The following KHDRBS3 variants were observed in gnomAD, a reference collection of about 807,000 sequenced individuals.
KHDRBS3 encodes the protein KH domain-containing, RNA-binding, signal transduction-associated protein 3.
Under a neutral mutation model 45.6 loss-of-function variants are expected in KHDRBS3, and 23 were observed. The observed-to-expected ratio is 0.50, with a 90% confidence interval of 0.36 to 0.72. The LOEUF (loss-of-function observed/expected upper bound fraction) is 0.72, where lower values mean the gene tolerates loss of function less well. Among genes scored for constraint, KHDRBS3 ranks in the 30% least tolerant of loss-of-function variants. The pLI is 0.00. For synonymous variants in KHDRBS3, 162 were observed against 156.5 expected, an observed-to-expected ratio of 1.04 and a Z score of -0.26; for missense variants, 352 against 424.8, an observed-to-expected ratio of 0.83 and a Z score of 1.51.
chr8:135,509,871 C>T (rs1344153142), intron 1 of KHDRBS3, among the ~76,000 whole-genome samples: 1 of 151,564 alleles, frequency 6.6e-6, no homozygotes, highest in East Asian at 1.9e-4. Flanking sequence ...ATTTGGTTCT[C>T]TGGAATCATT....
At chr8:135,526,088 C>T (rs1321967462) in intron 2 of KHDRBS3, among the ~76,000 whole-genome samples, 1 of 152,016 alleles carries the variant, frequency 6.6e-6, no homozygotes, top group Non-Finnish European at 1.5e-5. Flanking sequence ...AGCCTAGGAA[C>T]AATAGGCTAT....
chr8:135,477,058 T>A (rs1385502523), intron 1 of KHDRBS3, among the ~76,000 whole-genome samples: 1 of 152,236 alleles, frequency 6.6e-6, no homozygotes, highest in African/African-American at 2.4e-5. Flanking sequence ...ATGACAATGA[T>A]AACTACTATT....
chr8:135,636,214 A>G (rs1057041023), intron 7 of KHDRBS3, among the ~76,000 whole-genome samples: 2 of 152,122 alleles, frequency 1.3e-5, no homozygotes, highest in African/African-American at 2.4e-5. Flanking sequence ...TTTCCTTGAG[A>G]TCACCCTTGT....
chr8:135,493,512 T>A lies in KHDRBS3; in HGVS notation c.89-27725T>A, dbSNP rs188333997. Among the ~76,000 whole-genome samples, 14 of 152,258 alleles carry A rather than the reference T, an allele frequency of 9.2e-5. No individual in the cohort carries two copies. In the East Asian group the frequency reaches 1.9e-3, roughly 21 times the overall value. On this transcript the variant is annotated intron_variant, in intron 1 of 8. Transcript: ENST00000355849. ...GCAAGTTTTTATTATAGTAGTTGTT[T>A]AATATTTTAAAATACTTTTCTGCAT...
chr8:135,593,458 T>A (rs571541034), intron 6 of KHDRBS3: 1 of 152,306 alleles, frequency 6.6e-6, no homozygotes, highest in East Asian at 1.9e-4. Context: ...AGGTAGGAGC[T>A]ATGTCTTTTG....
chr8:135,490,068 A>G (rs1289012192), intron 1 of KHDRBS3, among the ~76,000 whole-genome samples: 2 of 152,210 alleles, frequency 1.3e-5, no homozygotes, highest in Non-Finnish European at 2.9e-5. Context: ...GCCACATGCC[A>G]TACAGGTTTG....
chr8:135,656,363 T>G (rs1410290985), exon 5 of KHDRBS3: 2 of 152,232 alleles, frequency 1.3e-5, no homozygotes, highest in Admixed American at 1.3e-4. Context: ...TGTGACATGT[T>G]TTTATTATAT....
intron 1 of KHDRBS3, among the ~76,000 whole-genome samples, chr8:135,518,413 A>G (rs1824734488): frequency 6.6e-6 from 1 of 152,036 alleles, no homozygotes; most frequent in Non-Finnish European, 1.5e-5. Flanking sequence ...TGACCTCGTG[A>G]TCCACCCGCC....
intron 1 of KHDRBS3, among the ~76,000 whole-genome samples, chr8:135,500,099 A>G (rs903094031): frequency 6.6e-6 from 1 of 152,172 alleles, no homozygotes; most frequent in African/African-American, 2.4e-5. Context: ...TGAAGAAAGT[A>G]TATCACTCAT....
rs1041996795 is a variant in KHDRBS3, at chr8:135,557,573, C to A, written c.597C>A (p.Ala199=). Residue 199 remains alanine (A), a synonymous_variant, in exon 5 of 9, where the codon GCC becomes GCA. Transcript: ENST00000355849. ...KPTLRTRGVP[A]PAITRGRGGV... ...CCTTGCGTACAAGAGGTGTACCAGC[C>A]CCAGCAATAACCAGGTAGGTGTAAA... 6.2e-7 allele frequency: 1 copy of A among 1,612,224 alleles called. No individual in the cohort carries two copies.
At chr8:135,551,154 T>A (rs552520471) in intron 4 of KHDRBS3, among the ~76,000 whole-genome samples, 3 of 152,288 alleles carry the variant, frequency 2.0e-5, no homozygotes, top group African/African-American at 7.2e-5. Flanking sequence ...TTAAGTGGAA[T>A]CCTAATTAGT....
At chr8:135,581,573 C>T in intron 5 of KHDRBS3, among the ~76,000 whole-genome samples, 1 of 152,114 alleles carries the variant, frequency 6.6e-6, no homozygotes, top group East Asian at 1.9e-4. Flanking sequence ...GTAATCCTGG[C>T]ATGGCATTAT....
intron 2 of KHDRBS3, chr8:135,540,903 A>G (rs1826016159): frequency 6.6e-6 from 1 of 152,246 alleles, no homozygotes; most frequent in African/African-American, 2.4e-5. Flanking sequence ...GAAATCCCAT[A>G]AAAGAGAAAG....
chr8:135,539,958 C>G (rs1825964215), intron 2 of KHDRBS3: 1 of 152,108 alleles, frequency 6.6e-6, no homozygotes, highest in Non-Finnish European at 1.5e-5. Flanking sequence ...TCATGTCTTT[C>G]TATGGACTTC....
At chr8:135,521,582 G>A (rs1231173392) in intron 2 of KHDRBS3, among the ~76,000 whole-genome samples, 1 of 152,178 alleles carries the variant, frequency 6.6e-6, no homozygotes, top group Admixed American at 6.5e-5. Context: ...AACTAGCAGT[G>A]TGACTTTGGG....
At chr8:135,588,572 ACAGC>A (rs1034326202) in intron 6 of KHDRBS3, among the ~76,000 whole-genome samples, 1 of 152,086 alleles carries the variant, frequency 6.6e-6, no homozygotes, top group Non-Finnish European at 1.5e-5. Flanking sequence ...GGTTCCCTTG[ACAGC>A]CAGCCACCTC....
intron 1 of KHDRBS3, among the ~76,000 whole-genome samples, chr8:135,463,892 A>C (rs1473934180): frequency 6.6e-6 from 1 of 152,184 alleles, no homozygotes; most frequent in Non-Finnish European, 1.5e-5. Context: ...GTTGGGGATG[A>C]TGATTATAAA....
chr8:135,544,320 A>T (rs1826184679), intron 3 of KHDRBS3, among the ~76,000 whole-genome samples: 1 of 152,182 alleles, frequency 6.6e-6, no homozygotes, highest in African/African-American at 2.4e-5. Flanking sequence ...TTTTACAGGT[A>T]GAAGGGAAAC....
chr8:135,535,410 A>T (rs1210229069), intron 2 of KHDRBS3, among the ~76,000 whole-genome samples: 7 of 141,080 alleles, frequency 5.0e-5, no homozygotes, highest in African/African-American at 1.8e-4. Flanking sequence ...ATAAACTATT[A>T]TATATAGTTA....
Sources: allele counts gnomAD v4.1 joint callset (sites outside exome capture counted in the v4.1 genomes callset), GRCh38; gene constraint gnomAD v4.1.1; transcripts MANE v1.5; gene names NCBI Gene and HGNC (gene_info 2026-07-23, HGNC 2026-07-21).